The following CADPS variants were observed in gnomAD, a reference collection of about 807,000 sequenced individuals.
CADPS encodes calcium-dependent secretion activator 1.
In CADPS, 57 loss-of-function variants were observed where a neutral mutation model predicts 167.3. That is an observed-to-expected ratio of 0.34 (90% CI 0.28 to 0.42). The LOEUF is 0.42. CADPS is among the 20% of genes least tolerant of loss of function. The pLI, the probability that CADPS is intolerant of heterozygous loss-of-function variation, is 1.00. For missense variants in CADPS, 1,414 were observed against 1,738.1 expected (o/e 0.81, Z 3.32); for synonymous variants, 676 against 635.3 (o/e 1.06, Z -0.96).
intron 3 of CADPS, among the ~76,000 whole-genome samples, chr3:62,682,437 C>T (rs889227016): frequency 6.6e-6 from 1 of 152,070 alleles, no homozygotes; most frequent in South Asian, 2.1e-4. Flanking sequence ...TGTACACCTT[C>T]TGCAAGGACT....
chr3:62,553,616 A>G (rs545680926), intron 10 of CADPS, among the ~76,000 whole-genome samples: 1 of 152,352 alleles, frequency 6.6e-6, no homozygotes, highest in East Asian at 1.9e-4. Context: ...TGGAGTGGGT[A>G]AGGGCAAAGA....
At chr3:62,600,176 C>G (rs1411624815) in intron 6 of CADPS, among the ~76,000 whole-genome samples, 1 of 142,298 alleles carries the variant, frequency 7.0e-6, no homozygotes, top group Non-Finnish European at 1.5e-5. Context: ...TTTGAGCAGA[C>G]AAACTCTCTG....
intron 6 of CADPS, among the ~76,000 whole-genome samples, chr3:62,631,142 A>C (rs945086655): frequency 2.0e-5 from 3 of 152,098 alleles, no homozygotes; most frequent in African/African-American, 7.2e-5. Flanking sequence ...ACAAATATAC[A>C]CACACACTTA....
intron 1 of CADPS, among the ~76,000 whole-genome samples, chr3:62,842,341 A>G (rs982316505): frequency 2.0e-5 from 3 of 152,228 alleles, no homozygotes; most frequent in African/African-American, 7.2e-5. Context: ...TAGATGATAA[A>G]TGGTAGGGAT....
At chr3:62,591,934 G>T (rs1042032241) in intron 7 of CADPS, among the ~76,000 whole-genome samples, 1 of 152,156 alleles carries the variant, frequency 6.6e-6, no homozygotes, top group East Asian at 1.9e-4. Flanking sequence ...GATATTGGTG[G>T]AGGTGAAAAA....
At chr3:62,555,604 T>C (rs1301321385) in intron 10 of CADPS, among the ~76,000 whole-genome samples, 1 of 152,244 alleles carries the variant, frequency 6.6e-6, no homozygotes, top group East Asian at 1.9e-4. Flanking sequence ...GGGATTACCC[T>C]GAGGGCTAAA....
At chr3:62,665,291 C>G (rs542065958) in intron 3 of CADPS, among the ~76,000 whole-genome samples, 6 of 152,096 alleles carry the variant, frequency 3.9e-5, no homozygotes, top group Non-Finnish European at 8.8e-5. Flanking sequence ...CTGCATTTAA[C>G]CTTGTCTTTT....
chr3:62,806,506 G>T (rs1008790358), intron 1 of CADPS, among the ~76,000 whole-genome samples: 7 of 152,056 alleles, frequency 4.6e-5, no homozygotes, highest in Non-Finnish European at 1.0e-4. Flanking sequence ...CTCCAGTCTG[G>T]ACAACAGAGC....
intron 13 of CADPS, among the ~76,000 whole-genome samples, chr3:62,519,860 A>G (rs2070018971): frequency 7.2e-5 from 11 of 152,098 alleles, no homozygotes. Flanking sequence ...ACTGGCCTCC[A>G]CAAAACATGT....
chr3:62,498,581 A>T (rs1576860685), intron 18 of CADPS, among the ~76,000 whole-genome samples: 1 of 152,168 alleles, frequency 6.6e-6, no homozygotes, highest in East Asian at 1.9e-4. Flanking sequence ...TATCAAAAGG[A>T]TCATTTTGAC....
At chr3:62,731,335 G>T (rs2077741753) in intron 3 of CADPS, among the ~76,000 whole-genome samples, 1 of 152,136 alleles carries the variant, frequency 6.6e-6, no homozygotes, top group Non-Finnish European at 1.5e-5. Flanking sequence ...GGAGCTGAGA[G>T]GGATGGCATA....
At chr3:62,680,739 G>A (rs1185988534) in intron 3 of CADPS, among the ~76,000 whole-genome samples, 1 of 151,976 alleles carries the variant, frequency 6.6e-6, no homozygotes. Flanking sequence ...TAAAAAATCA[G>A]TGTAGCTCTT....
At chr3:62,436,550 G>A (rs952296632) in intron 28 of CADPS, among the ~76,000 whole-genome samples, 40 of 152,172 alleles carry the variant, frequency 2.6e-4, no homozygotes, top group Admixed American at 9.2e-4. Context: ...ATTGTGCCCC[G>A]GACATTCTAG....
rs576098794 is a variant in CADPS, at chr3:62,534,803, G to A, written c.2103+1642C>T. ...AATTTCTGTTATTTTCTGAAATTTT[G>A]GAATAATGACTAATATACACAGGTA... On this transcript the variant is annotated intron_variant, in intron 12 of 29. Coordinates refer to ENST00000383710, the MANE Select transcript of CADPS (RefSeq NM_003716.4). Among the ~76,000 whole-genome samples, 94 of 152,034 alleles carry A rather than the reference G, an allele frequency of 6.2e-4. 2 individuals carry two copies. The highest frequency in any genetic ancestry group is 1.1e-3 in the Non-Finnish European group (72 of 68,000).
chr3:62,550,111 CA>C lies in CADPS; in HGVS notation c.1757del (p.Leu586TrpfsTer17). On this transcript the variant is annotated frameshift_variant, in exon 11 of 30. Coordinates refer to ENST00000383710, the MANE Select transcript of CADPS (RefSeq NM_003716.4). LOFTEE classifies it high-confidence loss of function. ...CATTGAAGAAGGCTCGGCCACCCTC[CA>C]AACCTGGAAGAAAAGGGAGTAACAA... ...TVDYTDPQPG[L>X]EGGRAFFNAV... 6.2e-7 allele frequency: 1 copy of C among 1,613,504 alleles called. No homozygotes were observed. The highest frequency in any genetic ancestry group is 8.5e-7 in the Non-Finnish European group (1 of 1,179,452).
chr3:62,480,444 G>A (rs2061860167), intron 22 of CADPS, among the ~76,000 whole-genome samples: 1 of 152,096 alleles, frequency 6.6e-6, no homozygotes, highest in Non-Finnish European at 1.5e-5. Flanking sequence ...TTTGGAGGTT[G>A]TAATTTGCCT....
In CADPS at chr3:62,557,890, T is replaced by G. The variant is rs2078448047; in HGVS notation, c.1645-377A>C. ...GACTGCCATTTTTGTAGGTCAAAAG[T>G]GGTTAAACGACAGCAATTTTGTATG... On this transcript the variant is annotated intron_variant, in intron 9 of 29. Coordinates refer to ENST00000383710, the MANE Select transcript of CADPS (RefSeq NM_003716.4). Among the ~76,000 whole-genome samples, 2 of 152,200 alleles carry G rather than the reference T, an allele frequency of 1.3e-5. 1 individual carries two copies. The highest frequency in any genetic ancestry group is 4.1e-4 in the South Asian group (2 of 4,830).
intron 21 of CADPS, among the ~76,000 whole-genome samples, chr3:62,489,198 T>C (rs1006315172): frequency 1.3e-5 from 2 of 152,040 alleles, no homozygotes; most frequent in Non-Finnish European, 2.9e-5. Context: ...TCTCGGTCTG[T>C]CACCCAGGCT....
intron 3 of CADPS, among the ~76,000 whole-genome samples, chr3:62,677,601 T>C (rs1232009793): frequency 1.3e-5 from 2 of 152,104 alleles, no homozygotes; most frequent in African/African-American, 4.8e-5. Flanking sequence ...ATTATCCAGC[T>C]TAAAATGTCA....
Sources: allele counts gnomAD v4.1 joint callset (sites outside exome capture counted in the v4.1 genomes callset), GRCh38; gene constraint gnomAD v4.1.1; transcripts MANE v1.5; gene names NCBI Gene and HGNC (gene_info 2026-07-23, HGNC 2026-07-21).